PRKAA2: variants seen among roughly 807,000 people sequenced by gnomAD.
PRKAA2 encodes the protein 5'-AMP-activated protein kinase catalytic subunit alpha-2.
PRKAA2 carries 40 observed loss-of-function variants against 56.3 expected under a neutral mutation model. That is an observed-to-expected ratio of 0.71 (90% CI 0.55 to 0.92). The LOEUF (loss-of-function observed/expected upper bound fraction) is 0.92, where lower values mean the gene tolerates loss of function less well. Among genes scored for constraint, PRKAA2 ranks in the 40% least tolerant of loss-of-function variants. The pLI is 0.00. For missense variants in PRKAA2, 542 were observed against 686.9 expected, an observed-to-expected ratio of 0.79 and a Z score of 2.36; for synonymous variants, 214 against 234.2, an observed-to-expected ratio of 0.91 and a Z score of 0.79.
At chr1:56,647,386 T>A (rs1020847568) in intron 1 of PRKAA2, among the ~76,000 whole-genome samples, 1 of 152,240 alleles carries the variant, frequency 6.6e-6, no homozygotes, top group Non-Finnish European at 1.5e-5. Flanking sequence ...TTTTTGCTTG[T>A]CTTTTTAAGT....
intron 1 of PRKAA2, among the ~76,000 whole-genome samples, chr1:56,661,945 T>A (rs1012000975): frequency 3.3e-5 from 5 of 152,262 alleles, no homozygotes; most frequent in Non-Finnish European, 4.4e-5. Flanking sequence ...CACTATGTTG[T>A]AACTATTTAG....
intron 1 of PRKAA2, among the ~76,000 whole-genome samples, chr1:56,668,568 CTT>C (rs1002603315): frequency 7.2e-5 from 11 of 152,060 alleles, no homozygotes; most frequent in Non-Finnish European, 1.0e-4. Flanking sequence ...TTTGGCAACT[CTT>C]TTCTTTGATC....
At chr1:56,673,333 C>T (rs556463536) in intron 1 of PRKAA2, among the ~76,000 whole-genome samples, 69 of 152,210 alleles carry the variant, frequency 4.5e-4, no homozygotes, top group African/African-American at 1.6e-3. Context: ...ATGTTCACTG[C>T]ACTGCATTCC....
chr1:56,712,503 A>C lies in PRKAA2; in HGVS notation c.*4790A>C, dbSNP rs939869952. On this transcript the variant is annotated 3_prime_UTR_variant, in exon 9 of 9. Coordinates refer to ENST00000371244, the MANE Select transcript of PRKAA2 (RefSeq NM_006252.4). Reference sequence around the variant, plus strand: ...GCTTAAAAATGCTGAAGAAACTTTAAAACATGATTCTTCTTATAATTTTAT... The same window carrying C: ...GCTTAAAAATGCTGAAGAAACTTTACAACATGATTCTTCTTATAATTTTAT... 6.6e-6 allele frequency: 1 copy of C among 152,350 alleles called. No homozygotes were observed. The highest frequency in any genetic ancestry group is 2.1e-4 in the South Asian group (1 of 4,832). The allele number at this position is 152,350 out of a possible 1,614,324, so 9.4% of individuals were successfully genotyped here. A position where few individuals can be genotyped will look rare whatever the true frequency, so the allele number is the denominator to read the frequency against.
chr1:56,698,332 G>T (rs945619965), intron 6 of PRKAA2, among the ~76,000 whole-genome samples: 1 of 152,064 alleles, frequency 6.6e-6, no homozygotes, highest in Non-Finnish European at 1.5e-5. Flanking sequence ...TTATGTTATT[G>T]CATTGACTTT....
chr1:56,658,747 T>C (rs921398649), intron 1 of PRKAA2, among the ~76,000 whole-genome samples: 22 of 151,568 alleles, frequency 1.5e-4, no homozygotes, highest in African/African-American at 5.3e-4. Flanking sequence ...TTCTTTTTTT[T>C]TTCTTTTTTG....
At chr1:56,706,823 G>T (rs1419988480) in intron 8 of PRKAA2, among the ~76,000 whole-genome samples, 1 of 152,212 alleles carries the variant, frequency 6.6e-6, no homozygotes, top group Non-Finnish European at 1.5e-5. Context: ...GTGCTGGATG[G>T]AACAAGAATG....
At chr1:56,664,589 T>G (rs1644020240) in intron 1 of PRKAA2, among the ~76,000 whole-genome samples, 1 of 152,132 alleles carries the variant, frequency 6.6e-6, no homozygotes. Flanking sequence ...TTTTTAACAG[T>G]AGCAATAGGA....
chr1:56,707,125 T>G (rs1437374726), intron 8 of PRKAA2, among the ~76,000 whole-genome samples: 5 of 152,172 alleles, frequency 3.3e-5, no homozygotes, highest in Non-Finnish European at 7.4e-5. Flanking sequence ...TGTTTTTACC[T>G]TAGTGATTTT....
At position 56,683,383 on chromosome 1, in the gene PRKAA2, G is replaced by A. The variant is rs376917059; in HGVS notation, c.237-8011G>A. 2.6e-5 allele frequency among the ~76,000 whole-genome samples: 4 copies of A among 152,068 alleles called. No homozygotes were observed. The South Asian group carries it at 8.3e-4, about 32-fold the overall frequency. Reference sequence around the variant, plus strand: ...GGTCCTGATGGCTCTAGGAGTCCAAGCAAGAACAAAAGAATGAAAGTGTGA... The same window carrying A: ...GGTCCTGATGGCTCTAGGAGTCCAAACAAGAACAAAAGAATGAAAGTGTGA... On this transcript the variant is annotated intron_variant, in intron 2 of 8. Coordinates refer to ENST00000371244, the MANE Select transcript of PRKAA2 (RefSeq NM_006252.4).
intron 1 of PRKAA2, among the ~76,000 whole-genome samples, chr1:56,667,764 GT>G (rs1644046437): frequency 6.6e-6 from 1 of 152,104 alleles, no homozygotes; most frequent in South Asian, 2.1e-4. Context: ...TCACAGATTT[GT>G]GAGAAAGAAT....
At chr1:56,706,266 C>A (rs780458030) in intron 8 of PRKAA2, 48 bp downstream of exon 8, 78 of 1,584,336 alleles carry the variant, frequency 4.9e-5, no homozygotes, top group Non-Finnish European at 6.4e-5. Flanking sequence ...AAACTTGGCA[C>A]TAGTTGACCA....
rs184374456 is a variant in PRKAA2 at position 56,680,500 on chromosome 1, C to T, written c.236+5978C>T. Among the ~76,000 whole-genome samples, 682 of 152,160 alleles carry T rather than the reference C, an allele frequency of 4.5e-3. 4 individuals carry two copies. Among genetic ancestry groups the T allele is most frequent in the African/African-American group, 0.016 (650 of 41,520 alleles). ...ATTAGGTATATCTCCTAATGCTATC[C>T]CTCCCCTCTCCTGCCACCCCATGAC... On this transcript the variant is annotated intron_variant, in intron 2 of 8. Transcript: ENST00000371244.
intron 2 of PRKAA2, among the ~76,000 whole-genome samples, chr1:56,687,607 A>AT (rs1227363795): frequency 2.0e-5 from 3 of 152,124 alleles, no homozygotes; most frequent in African/African-American, 7.2e-5. Context: ...GTATTACATT[A>AT]TTAAAAATAG....
At chr1:56,648,133 G>A (rs11206886) in intron 1 of PRKAA2, among the ~76,000 whole-genome samples, 53,681 of 151,888 alleles carry the variant, frequency 0.35, 11,022 homozygotes, top group Middle Eastern at 0.52. Context: ...TACTAATTTT[G>A]CCAAATGTTG....
chr1:56,669,972 C>T (rs969277817), intron 1 of PRKAA2, among the ~76,000 whole-genome samples: 4 of 152,190 alleles, frequency 2.6e-5, no homozygotes, highest in South Asian at 2.1e-4. Context: ...AGGCATAGTT[C>T]GGGTGAGTGT....
Position 56,696,086 on chromosome 1 carries a change from C to A in PRKAA2, c.715C>A (p.Arg239Ser). Residue 239 changes from arginine (R) to serine (S), a missense_variant, in exon 6 of 9, where the codon CGT (arginine) becomes AGT (serine). Transcript: ENST00000371244. ...GVFYIPEYLNRSVATLLMHML... is the reference protein window; with the variant it reads ...GVFYIPEYLNSSVATLLMHML... ...CTTTTATATCCCAGAATATCTCAAT[C>A]GTTCTGTCGCCACTCTCCTGATGCA... is the stretch of plus-strand genomic sequence containing the variant. 6 of 1,613,410 alleles carry A rather than the reference C, an allele frequency of 3.7e-6. No individual in the cohort carries two copies. The highest frequency in any genetic ancestry group is 5.1e-6 in the Non-Finnish European group (6 of 1,179,884).
chr1:56,652,250 A>C (rs1323950319), intron 1 of PRKAA2, among the ~76,000 whole-genome samples: 1 of 151,894 alleles, frequency 6.6e-6, no homozygotes, highest in Non-Finnish European at 1.5e-5. Context: ...TGACCTCGTA[A>C]TACGCCCGCC....
At chr1:56,699,941 G>T (rs1644283006) in intron 6 of PRKAA2, among the ~76,000 whole-genome samples, 1 of 151,696 alleles carries the variant, frequency 6.6e-6, no homozygotes, top group African/African-American at 2.4e-5. Flanking sequence ...CATTTTTTTT[G>T]CTTGAAAAAT....
Sources: allele counts gnomAD v4.1 joint callset (sites outside exome capture counted in the v4.1 genomes callset), GRCh38; gene constraint gnomAD v4.1.1; transcripts MANE v1.5; gene names NCBI Gene and HGNC (gene_info 2026-07-23, HGNC 2026-07-21).